CHD5: variants seen among roughly 807,000 people sequenced by gnomAD.
CHD5 encodes ATP-dependent chromatin remodeler CHD5.
In CHD5, 69 loss-of-function variants were observed where a neutral mutation model predicts 230.3. That is an observed-to-expected ratio of 0.30 (90% CI 0.25 to 0.37). The LOEUF is 0.37. Ranked by LOEUF, CHD5 falls within the 10% of genes least tolerant of loss-of-function variation. The pLI, the probability that CHD5 is intolerant of heterozygous loss-of-function variation, is 1.00. For missense variants in CHD5, 1,827 were observed against 2,622.8 expected (o/e 0.70, Z 6.63); for synonymous variants, 1,064 against 1,065.9 (o/e 1.00, Z 0.03).
Position 6,126,900 on chromosome 1 carries a change from C to T in CHD5, c.3904-154G>A, listed in dbSNP as rs543656464. On this transcript the variant is annotated intron_variant, in intron 25 of 41. Transcript: ENST00000262450. This position sits in a 1 kb window ranked among gnomAD's most constrained non-coding sequence, Gnocchi z 5.7. ...TCCAGGAAGCCTTCTCTGATCACCCCGGCCCTAGCTAGCTTTTCTCTCCCT... is the reference window on the plus strand; with the variant it reads ...TCCAGGAAGCCTTCTCTGATCACCCTGGCCCTAGCTAGCTTTTCTCTCCCT... 5.3e-5 allele frequency among the ~76,000 whole-genome samples: 8 copies of T among 152,320 alleles called. 1 individual carries two copies. The South Asian group carries it at 6.2e-4, about 12-fold the overall frequency.
In CHD5 at chr1:6,146,189, G is replaced by T. The variant is rs372604553; in HGVS notation, c.1802+23C>A. On this transcript the variant is annotated intron_variant, in intron 11 of 41. Transcript: ENST00000262450. The surrounding 1 kb of genome is among the most constrained non-coding windows in gnomAD (Gnocchi z 5.1). ...GTGGCCCGGCCCCAGCGATGGGCAG[G>T]GTGGCCGCCTGCAGGCACACACCTA... is the stretch of plus-strand genomic sequence containing the variant. 6.2e-7 allele frequency: 1 copy of T among 1,610,916 alleles called. No individual in the cohort carries two copies. Among genetic ancestry groups the T allele is most frequent in the Non-Finnish European group, 8.5e-7 (1 of 1,177,912 alleles).
chr1:6,115,195 G>A (rs1666360672), intron 33 of CHD5, among the ~76,000 whole-genome samples: 4 of 151,450 alleles, frequency 2.6e-5, no homozygotes, highest in South Asian at 2.1e-4. Context: ...GCGTGGTGGC[G>A]GGTGCCTGTA....
intron 33 of CHD5, among the ~76,000 whole-genome samples, chr1:6,114,112 G>C (rs756475871): frequency 4.6e-4 from 70 of 152,276 alleles, no homozygotes; most frequent in Non-Finnish European, 8.8e-4. Context: ...AATTAGCCAG[G>C]TGTGGTGGCA....
intron 25 of CHD5, 73 bp downstream of exon 25, chr1:6,127,973 C>A: frequency 8.7e-7 from 1 of 1,155,848 alleles, no homozygotes; most frequent in South Asian, 1.5e-5. Flanking sequence ...CAGTGGAAGG[C>A]GTGGACACAG....
intron 5 of CHD5, among the ~76,000 whole-genome samples, chr1:6,153,337 G>A (rs974614139): frequency 3.3e-5 from 5 of 152,220 alleles, no homozygotes; most frequent in African/African-American, 7.2e-5. Context: ...AGACAGGGGC[G>A]GGCCAGGAGC....
Position 6,106,352 on chromosome 1 carries a change from C to A in CHD5, c.5857+43G>T, listed in dbSNP as rs531755461. 4.3e-6 allele frequency: 7 copies of A among 1,611,260 alleles called. No homozygotes were observed. In the Admixed American group the frequency reaches 1.2e-4, roughly 27 times the overall value. On this transcript the variant is annotated intron_variant, in intron 40 of 41. Transcript: ENST00000262450. ...GCAGCAGCAGGCAGGCCGGGCCCGG[C>A]GGGCACCCGTGTGCATGCTGCCCGG...
Position 6,121,540 on chromosome 1 carries a change from T to C in CHD5, c.4733A>G (p.Glu1578Gly). 6.2e-7 allele frequency: 1 copy of C among 1,613,254 alleles called. No homozygotes were observed. Among genetic ancestry groups the C allele is most frequent in the Non-Finnish European group, 8.5e-7 (1 of 1,179,674 alleles). ...TGGCTTCTGTGCCCCGGGGTCTTTC[T>C]CATCCATGTAGCCCAGCTGGGCTTC... is the stretch of plus-strand genomic sequence containing the variant. ...KMEAQLGYMD[E>G]KDPGAQKPRQ... The change falls in exon 32 of 42, where the codon GAG (glutamate) becomes GGG (glycine). Residue 1578 changes from glutamate to glycine, a missense_variant. Around this residue, in one of 14 missense-constraint regions of CHD5, gnomAD observed 272 missense variants for 263.2 expected, o/e 1.03. Coordinates refer to ENST00000262450, the MANE Select transcript of CHD5 (RefSeq NM_015557.3). The surrounding 1 kb of genome is among the most constrained non-coding windows in gnomAD (Gnocchi z 4.5).
At position 6,121,440 on chromosome 1, in the gene CHD5, A is replaced by C; in HGVS notation, c.4779+54T>G. 1 of 1,543,178 alleles carries C rather than the reference A, an allele frequency of 6.5e-7. No homozygotes were observed. Among genetic ancestry groups the C allele is most frequent in the Non-Finnish European group, 8.9e-7 (1 of 1,126,972 alleles). On this transcript the variant is annotated intron_variant, in intron 32 of 41. Transcript: ENST00000262450. The surrounding 1 kb of genome is among the most constrained non-coding windows in gnomAD (Gnocchi z 4.5). Reference sequence around the variant, plus strand: ...GTACAGGGCCTGAGAAGGTCCCCAGACCCAACCTCCACCCCACACACACCA... The same window carrying C: ...GTACAGGGCCTGAGAAGGTCCCCAGCCCCAACCTCCACCCCACACACACCA...
chr1:6,143,668 A>T (rs1382094873), intron 13 of CHD5, among the ~76,000 whole-genome samples, 155 bp downstream of exon 13: 5 of 152,162 alleles, frequency 3.3e-5, no homozygotes, highest in African/African-American at 1.2e-4. Flanking sequence ...GGGGCCTTCC[A>T]GCTGTCCTAG....
At chr1:6,139,826 G>C (rs965415990) in intron 15 of CHD5, among the ~76,000 whole-genome samples, 1 of 152,182 alleles carries the variant, frequency 6.6e-6, no homozygotes, top group African/African-American at 2.4e-5. Context: ...CTTGGCACAC[G>C]GCAGGGTCCC....
Position 6,125,073 on chromosome 1 carries a change from C to A in CHD5, c.4394+27G>T. 1 of 1,542,930 alleles carries A rather than the reference C, an allele frequency of 6.5e-7. No homozygotes were observed. Among genetic ancestry groups the A allele is most frequent in the Non-Finnish European group, 8.8e-7 (1 of 1,141,108 alleles). On this transcript the variant is annotated intron_variant, in intron 29 of 41. Transcript: ENST00000262450. This position sits in a 1 kb window ranked among gnomAD's most constrained non-coding sequence, Gnocchi z 6.7. ...CCCTACTCAGGGGCAGGTGGTCACA[C>A]CCTGGGCCACCACCTAGCCCCTTTA...
At chr1:6,172,672 C>T (rs917641513) in intron 1 of CHD5, among the ~76,000 whole-genome samples, 11 of 152,190 alleles carry the variant, frequency 7.2e-5, no homozygotes, top group East Asian at 1.9e-4. Flanking sequence ...AAACAGCCCA[C>T]GCTGTGTAAA....
chr1:6,106,607 G>A lies in CHD5; in HGVS notation c.5742+9C>T, dbSNP rs1198245869. ...GGGCTCGGGCCGGGGCACACAGGCC[G>A]AGCCTGACCTGCTGGATGGTGGGGT... On this transcript the variant is annotated intron_variant, in intron 39 of 41. Coordinates refer to ENST00000262450, the MANE Select transcript of CHD5 (RefSeq NM_015557.3). The A allele has an allele frequency of 7.7e-6, 12 of 1,559,760 alleles. No homozygotes were observed. Among genetic ancestry groups the A allele is most frequent in the Admixed American group, 3.8e-5 (2 of 52,452 alleles).
In CHD5 at chr1:6,177,831, AAGG is replaced by A. The variant is rs1326990672; in HGVS notation, c.79+2111_79+2113del. On this transcript the variant is annotated intron_variant, in intron 1 of 41. Transcript: ENST00000262450. ...GAGCGTGGAGTGTTCCAGAAGCAGC[AAGG>A]AGGCCAGCGTGGCTGCTGTGAACAA... Among the ~76,000 whole-genome samples the A allele has an allele frequency of 5.9e-5, 9 of 152,254 alleles. No individual in the cohort carries two copies. The East Asian group carries it at 1.7e-3, about 30-fold the overall frequency.
At chr1:6,112,008 TG>T in intron 35 of CHD5, 125 bp from the exon 36 acceptor site, 1 of 1,387,890 alleles carries the variant, frequency 7.2e-7, no homozygotes, top group Non-Finnish European at 1.0e-6. Flanking sequence ...TGTTCCAGGG[TG>T]GCTAAGAAAG....
At chr1:6,173,707 G>T (rs1667374645) in intron 1 of CHD5, among the ~76,000 whole-genome samples, 1 of 152,206 alleles carries the variant, frequency 6.6e-6, no homozygotes, top group South Asian at 2.1e-4. Context: ...ACCCAGGAGG[G>T]TCAGGGCGGC....
At chr1:6,135,868 G>C (rs1432432083) in intron 17 of CHD5, among the ~76,000 whole-genome samples, 1 of 152,032 alleles carries the variant, frequency 6.6e-6, no homozygotes, top group African/African-American at 2.4e-5. Context: ...AAATTAGCCG[G>C]GCGTGGTGAC....
intron 1 of CHD5, among the ~76,000 whole-genome samples, chr1:6,178,536 G>A (rs561307282): frequency 1.9e-4 from 29 of 151,928 alleles, no homozygotes; most frequent in Non-Finnish European, 3.4e-4. Flanking sequence ...GTGCCTGTGC[G>A]GGGCCTCAGA....
In CHD5 at chr1:6,138,574, C is replaced by T. The variant is rs150394745; in HGVS notation, c.2437-1709G>A. On this transcript the variant is annotated intron_variant, in intron 15 of 41. Coordinates refer to ENST00000262450, the MANE Select transcript of CHD5 (RefSeq NM_015557.3). ...ATGCCTGTGAGAGAGCAGAGAGGGCCGAGGATGCCGTGCAGCATAGGCTTT... is the reference window on the plus strand; with the variant it reads ...ATGCCTGTGAGAGAGCAGAGAGGGCTGAGGATGCCGTGCAGCATAGGCTTT... Among the ~76,000 whole-genome samples, 546 of 152,322 alleles carry T rather than the reference C, an allele frequency of 3.6e-3. 5 individuals are homozygous for T. The highest frequency in any genetic ancestry group is 6.8e-3 in the Middle Eastern group (2 of 294).
Sources: gnomAD v4.1 joint callset for allele counts (sites outside exome capture counted in the v4.1 genomes callset) on GRCh38, gnomAD v4.1.1 for gene constraint, gnomAD v4.1.1 regional missense constraint, Gnocchi (gnomAD v3.1) non-coding constraint, MANE v1.5 for transcripts, NCBI Gene and HGNC (gene_info 2026-07-23, HGNC 2026-07-21) for gene names.